NCAM2: variants seen among roughly 807,000 people sequenced by gnomAD.
The protein encoded by NCAM2 is neural cell adhesion molecule 2, also known as N-CAM-2.
NCAM2 carries 30 observed loss-of-function variants against 98.1 expected under a neutral mutation model. The ratio of observed to expected loss-of-function variants is 0.31; its 90% CI spans 0.23 to 0.41. The LOEUF is 0.41. NCAM2 is among the 10% of genes least tolerant of loss of function. NCAM2 has a pLI of 1.00. For missense variants in NCAM2, 867 were observed against 1,005.8 expected (o/e 0.86, Z 1.87); for synonymous variants, 368 against 342.4 (o/e 1.07, Z -0.83).
chr21:21,233,989 CTATT>C (rs1180993565), intron 1 of NCAM2, among the ~76,000 whole-genome samples: 15 of 151,756 alleles, frequency 9.9e-5, no homozygotes, highest in East Asian at 5.8e-4. Context: ...ATACAGTACT[CTATT>C]TAAGAGCGTA....
chr21:21,007,667 C>T (rs1017158121), intron 1 of NCAM2, among the ~76,000 whole-genome samples: 1 of 152,112 alleles, frequency 6.6e-6, no homozygotes, highest in Non-Finnish European at 1.5e-5. Context: ...CATGTGAATG[C>T]GTTGTAACTA....
At chr21:21,530,594 T>G (rs1989638539) in intron 16 of NCAM2, among the ~76,000 whole-genome samples, 1 of 151,354 alleles carries the variant, frequency 6.6e-6, no homozygotes, top group African/African-American at 2.4e-5. Flanking sequence ...GTACTACATA[T>G]ATACATATAT....
rs561082657 is a variant in NCAM2, at chr21:21,204,015, G to A, written c.56-76563G>A. On this transcript the variant is annotated intron_variant, in intron 1 of 17. Transcript: ENST00000400546. Reference sequence around the variant, plus strand: ...TTGATAATGTGGCAGAATACTTACCGTAGTTAACACTGGAAGTTACTCATT... The same window carrying A: ...TTGATAATGTGGCAGAATACTTACCATAGTTAACACTGGAAGTTACTCATT... 1.2e-3 allele frequency among the ~76,000 whole-genome samples: 176 copies of A among 152,130 alleles called. 2 individuals carry two copies. Among genetic ancestry groups the A allele is most frequent in the Admixed American group, 4.9e-3 (75 of 15,280 alleles).
chr21:21,184,760 C>G (rs956078262), intron 1 of NCAM2, among the ~76,000 whole-genome samples: 1 of 152,078 alleles, frequency 6.6e-6, no homozygotes, highest in African/African-American at 2.4e-5. Context: ...GAAATTGTTC[C>G]TTGTTCTCAG....
At chr21:21,456,780 G>A (rs1326581105) in intron 12 of NCAM2, among the ~76,000 whole-genome samples, 1 of 152,122 alleles carries the variant, frequency 6.6e-6, no homozygotes, top group Middle Eastern at 3.2e-3. Flanking sequence ...ATGCTCATGA[G>A]TAGGATTGGT....
intron 14 of NCAM2, among the ~76,000 whole-genome samples, chr21:21,471,091 T>G (rs1984384234): frequency 1.3e-5 from 2 of 152,020 alleles, no homozygotes; most frequent in South Asian, 4.1e-4. Flanking sequence ...AGTCTAAATA[T>G]GGATGGCAGC....
intron 1 of NCAM2, among the ~76,000 whole-genome samples, chr21:21,229,477 A>G (rs1193328011): frequency 6.6e-6 from 1 of 151,510 alleles, no homozygotes; most frequent in African/African-American, 2.4e-5. Flanking sequence ...TGTTGTGGAC[A>G]TTTGCAGATA....
chr21:21,168,453 A>G (rs2146827216), intron 1 of NCAM2, among the ~76,000 whole-genome samples: 1 of 152,238 alleles, frequency 6.6e-6, no homozygotes. Context: ...ATGCAATAAA[A>G]AAATAGAAGA....
intron 7 of NCAM2, among the ~76,000 whole-genome samples, chr21:21,336,517 T>C (rs1191092807): frequency 6.6e-6 from 1 of 151,856 alleles, no homozygotes; most frequent in Admixed American, 6.6e-5. Context: ...TATACATATG[T>C]AACTAACCTG....
chr21:21,127,897 G>A (rs1444895082), intron 1 of NCAM2, among the ~76,000 whole-genome samples: 1 of 151,892 alleles, frequency 6.6e-6, no homozygotes, highest in East Asian at 1.9e-4. Context: ...TATACGTTTA[G>A]CTTCCTTAAA....
At chr21:21,347,160 A>G (rs1411310306) in intron 8 of NCAM2, among the ~76,000 whole-genome samples, 9 of 151,814 alleles carry the variant, frequency 5.9e-5, no homozygotes, top group Admixed American at 5.2e-4. Context: ...AAGTAAATAC[A>G]GTTATAAATG....
At chr21:21,156,797 TTA>T (rs1313329071) in intron 1 of NCAM2, among the ~76,000 whole-genome samples, 1 of 152,082 alleles carries the variant, frequency 6.6e-6, no homozygotes, top group East Asian at 1.9e-4. Context: ...AAACATAAAG[TTA>T]CAATTACATG....
At chr21:21,038,317 A>G (rs943225199) in intron 1 of NCAM2, among the ~76,000 whole-genome samples, 4 of 152,350 alleles carry the variant, frequency 2.6e-5, no homozygotes, top group African/African-American at 7.2e-5. Flanking sequence ...GTTTTATTCT[A>G]TGAAAGAAAA....
intron 5 of NCAM2, among the ~76,000 whole-genome samples, chr21:21,307,495 A>G (rs2073920648): frequency 6.6e-6 from 1 of 152,198 alleles, no homozygotes. Context: ...AGAAGTCCAC[A>G]TAGGCTCTGC....
At chr21:21,171,980 A>T (rs1032038451) in intron 1 of NCAM2, among the ~76,000 whole-genome samples, 10 of 152,184 alleles carry the variant, frequency 6.6e-5, no homozygotes, top group Admixed American at 6.5e-4. Flanking sequence ...AATCACTGTA[A>T]GCAAAATAAA....
intron 1 of NCAM2, among the ~76,000 whole-genome samples, chr21:21,135,986 G>A (rs2067042117): frequency 1.3e-5 from 2 of 152,098 alleles, no homozygotes; most frequent in Admixed American, 1.3e-4. Context: ...ACCAATTTCT[G>A]GTGTGATGGA....
chr21:21,260,661 G>A (rs1363907021), intron 1 of NCAM2, among the ~76,000 whole-genome samples: 2 of 151,816 alleles, frequency 1.3e-5, no homozygotes, highest in African/African-American at 2.4e-5. Context: ...CAAGAGTAAG[G>A]AAATTTGTCA....
intron 14 of NCAM2, among the ~76,000 whole-genome samples, chr21:21,474,832 G>A (rs1984942425): frequency 6.6e-6 from 1 of 151,732 alleles, no homozygotes; most frequent in Non-Finnish European, 1.5e-5. Flanking sequence ...ATGTATATAT[G>A]TGCATATTCA....
At chr21:21,413,320 T>G (rs1457442553) in intron 10 of NCAM2, among the ~76,000 whole-genome samples, 1 of 152,176 alleles carries the variant, frequency 6.6e-6, no homozygotes, top group Non-Finnish European at 1.5e-5. Flanking sequence ...ATGACTTTCT[T>G]ATCATGGAAT....
Sources: allele counts gnomAD v4.1 joint callset (sites outside exome capture counted in the v4.1 genomes callset), GRCh38; gene constraint gnomAD v4.1.1; transcripts MANE v1.5; gene names NCBI Gene and HGNC (gene_info 2026-07-23, HGNC 2026-07-21).